The following LNPEP variants were observed in gnomAD, a reference collection of about 807,000 sequenced individuals.
LNPEP encodes the protein leucyl-cystinyl aminopeptidase.
Under a neutral mutation model 120.6 loss-of-function variants are expected in LNPEP, and 64 were observed. That is an observed-to-expected ratio of 0.53 (90% CI 0.43 to 0.65). LNPEP has a LOEUF of 0.65. LNPEP is among the 30% of genes least tolerant of loss of function. The probability of loss-of-function intolerance (pLI) is 0.00; values close to 1 mark genes in which losing one functional copy is unlikely to be tolerated. For missense variants in LNPEP, 1,057 were observed against 1,200.0 expected (o/e 0.88, Z 1.76); for synonymous variants, 435 against 425.4 (o/e 1.02, Z -0.28).
In LNPEP at chr5:97,035,993, A is replaced by G. The variant is rs1326373175; in HGVS notation, c.*7460A>G. The G allele has an allele frequency of 3.9e-5, 6 of 152,192 alleles. No homozygotes were observed. The highest frequency in any genetic ancestry group is 7.3e-5 in the Non-Finnish European group (5 of 68,038). 9.4% of individuals were successfully genotyped at this position (152,192 alleles called of 1,614,324 possible). A position where few individuals can be genotyped will look rare whatever the true frequency, so the allele number is the denominator to read the frequency against. Reference sequence around the variant, plus strand: ...AAGCTGTGTTTAAACTTCATTGCTCATATATCTTTTAGTAACTGGTAAACC... The same window carrying G: ...AAGCTGTGTTTAAACTTCATTGCTCGTATATCTTTTAGTAACTGGTAAACC... On this transcript the variant is annotated 3_prime_UTR_variant, in exon 18 of 18. Coordinates refer to ENST00000231368, the MANE Select transcript of LNPEP (RefSeq NM_005575.3).
intron 1 of LNPEP, among the ~76,000 whole-genome samples, chr5:96,970,706 T>C (rs961699786): frequency 1.3e-5 from 2 of 152,076 alleles, no homozygotes; most frequent in Admixed American, 6.6e-5. Context: ...TTTTCAGTGT[T>C]TCTTCTAGGA....
chr5:96,973,515 T>G, intron 1 of LNPEP, among the ~76,000 whole-genome samples: 1 of 152,122 alleles, frequency 6.6e-6, no homozygotes, highest in East Asian at 1.9e-4. Flanking sequence ...AATATTAGAC[T>G]TTTTTCCTTG....
chr5:96,948,916 C>G (rs1297484883), intron 1 of LNPEP, among the ~76,000 whole-genome samples: 1 of 152,152 alleles, frequency 6.6e-6, no homozygotes, highest in Admixed American at 6.5e-5. Flanking sequence ...AATCCTGGCT[C>G]TTTATTCACT....
Position 97,028,831 on chromosome 5 carries a change from GAATTCT to G in LNPEP, c.*299_*304del, listed in dbSNP as rs1791411044. 4.1e-6 allele frequency: 1 copy of G among 244,686 alleles called. No homozygotes were observed. Among genetic ancestry groups the G allele is most frequent in the Non-Finnish European group, 7.9e-6 (1 of 126,082 alleles). 15.2% of individuals were successfully genotyped at this position (244,686 alleles called of 1,614,324 possible). A position where few individuals can be genotyped will look rare whatever the true frequency, so the allele number is the denominator to read the frequency against. On this transcript the variant is annotated 3_prime_UTR_variant, in exon 18 of 18. Coordinates refer to ENST00000231368, the MANE Select transcript of LNPEP (RefSeq NM_005575.3). ...AGATGGGGACAAAAACCCTGTTTTG[GAATTCT>G]GTTCTATTCCTCAGTATCCAGAAAG...
Position 96,979,261 on chromosome 5 carries a change from C to T in LNPEP, c.143C>T (p.Pro48Leu), listed in dbSNP as rs1245285194. ...GAGCCTGATGAGGTGGAATATGAGC[C>T]CCGGGGTTCCCGACTGCTGGTGCGG... ...PLEPDEVEYE[P>L]RGSRLLVRGL... Residue 48 changes from proline to leucine, a missense_variant, in exon 2 of 18, where the codon CCC becomes CTC. Coordinates refer to ENST00000231368, the MANE Select transcript of LNPEP (RefSeq NM_005575.3). The T allele has an allele frequency of 6.2e-7, 1 of 1,613,804 alleles. No homozygotes were observed. Among genetic ancestry groups the T allele is most frequent in the South Asian group, 1.1e-5 (1 of 91,080 alleles).
chr5:96,973,320 C>T (rs1201359315), intron 1 of LNPEP, among the ~76,000 whole-genome samples: 2 of 151,678 alleles, frequency 1.3e-5, no homozygotes, highest in Non-Finnish European at 2.9e-5. Context: ...GTTTTTCTTT[C>T]TTTTTAAGCT....
chr5:96,962,206 C>G (rs1789622895), intron 1 of LNPEP, among the ~76,000 whole-genome samples: 1 of 152,146 alleles, frequency 6.6e-6, no homozygotes, highest in African/African-American at 2.4e-5. Context: ...TTAGTTGGAA[C>G]TAGGGACTTG....
chr5:96,973,367 A>T (rs1285535185), intron 1 of LNPEP, among the ~76,000 whole-genome samples: 1 of 152,060 alleles, frequency 6.6e-6, no homozygotes, highest in Admixed American at 6.6e-5. Context: ...TTGATAGAAG[A>T]GTATTCTCAT....
intron 1 of LNPEP, among the ~76,000 whole-genome samples, chr5:96,939,216 CTTTT>C (rs34230118): frequency 3.6e-5 from 5 of 139,362 alleles, no homozygotes; most frequent in Admixed American, 7.1e-5. Context: ...TGTATACTTT[CTTTT>C]TTTTTTTTTT....
Position 96,979,219 on chromosome 5 carries a change from C to G in LNPEP, c.101C>G (p.Pro34Arg), listed in dbSNP as rs1383012220. 6.2e-7 allele frequency: 1 copy of G among 1,613,690 alleles called. No homozygotes were observed. Among genetic ancestry groups the G allele is most frequent in the Non-Finnish European group, 8.5e-7 (1 of 1,179,878 alleles). The change falls in exon 2 of 18, where the codon CCT (proline) becomes CGT (arginine). Residue 34 changes from proline to arginine, a missense_variant. Transcript: ENST00000231368. ...EPDVVDLAKE[P>R]CLHPLEPDEV... ...GATGTGGTGGATTTAGCCAAAGAGC[C>G]TTGTTTACATCCTCTAGAGCCTGAT...
At chr5:97,022,535 A>G (rs1328180517) in intron 14 of LNPEP, 51 bp downstream of exon 14, 2 of 1,395,518 alleles carry the variant, frequency 1.4e-6, no homozygotes, top group South Asian at 1.2e-5. Context: ...TTTATTTCAC[A>G]TCATATACAG....
Position 96,994,641 on chromosome 5 carries a change from G to C in LNPEP, c.1407+670G>C, listed in dbSNP as rs137989994. Among the ~76,000 whole-genome samples, 9 of 152,260 alleles carry C rather than the reference G, an allele frequency of 5.9e-5. No individual in the cohort carries two copies. In the East Asian group the frequency reaches 1.7e-3, roughly 29 times the overall value. On this transcript the variant is annotated intron_variant, in intron 6 of 17. Coordinates refer to ENST00000231368, the MANE Select transcript of LNPEP (RefSeq NM_005575.3). The stretch of plus-strand genomic sequence containing the variant: ...AACACCTTGTCTCTATTTTGCCCTA[G>C]ATGAGGTGCTTAACTAGCATTGGGT...
At chr5:97,027,577 A>G (rs1362319627) in intron 16 of LNPEP, among the ~76,000 whole-genome samples, 156 bp from the exon 17 acceptor site, 2 of 152,080 alleles carry the variant, frequency 1.3e-5, no homozygotes, top group African/African-American at 4.8e-5. Context: ...CCCACCGACA[A>G]TAAGTATGCA....
At chr5:96,970,535 C>T (rs1214414343) in intron 1 of LNPEP, among the ~76,000 whole-genome samples, 1 of 151,992 alleles carries the variant, frequency 6.6e-6, no homozygotes, top group Non-Finnish European at 1.5e-5. Flanking sequence ...ATGCATAGGT[C>T]AGGTTTAAGT....
Position 96,980,563 on chromosome 5 carries a change from T to G in LNPEP, c.860+585T>G, listed in dbSNP as rs180694477. The stretch of plus-strand genomic sequence containing the variant: ...AAAAAGGTGAGACAAAATATAAAAT[T>G]ATTCAGCTCCCTATTTGGACTATAT... On this transcript the variant is annotated intron_variant, in intron 2 of 17. Coordinates refer to ENST00000231368, the MANE Select transcript of LNPEP (RefSeq NM_005575.3). 2.1e-3 allele frequency among the ~76,000 whole-genome samples: 316 copies of G among 152,310 alleles called. 5 individuals are homozygous for G. Among genetic ancestry groups the G allele is most frequent in the African/African-American group, 7.2e-3 (299 of 41,572 alleles).
At chr5:97,011,905 A>T (rs1790937518) in intron 11 of LNPEP, among the ~76,000 whole-genome samples, 1 of 152,326 alleles carries the variant, frequency 6.6e-6, no homozygotes, top group African/African-American at 2.4e-5. Flanking sequence ...AATAACAAAG[A>T]TATTAAGGGC....
intron 2 of LNPEP, 135 bp from the exon 3 acceptor site, chr5:96,984,945 A>G (rs2112614590): frequency 1.1e-6 from 1 of 892,522 alleles, no homozygotes; most frequent in Non-Finnish European, 1.7e-6. Flanking sequence ...TCATTGTATA[A>G]ACCTCTGCCT....
At chr5:96,977,434 C>T (rs1357040551) in intron 1 of LNPEP, among the ~76,000 whole-genome samples, 1 of 151,880 alleles carries the variant, frequency 6.6e-6, no homozygotes, top group Non-Finnish European at 1.5e-5. Flanking sequence ...TTTGGGATGG[C>T]CAGAGCATAC....
At chr5:96,994,766 T>G (rs1790469257) in intron 6 of LNPEP, among the ~76,000 whole-genome samples, 1 of 152,218 alleles carries the variant, frequency 6.6e-6, no homozygotes, top group Admixed American at 6.5e-5. Context: ...CTAGCCTTTG[T>G]GAAGACTTCA....
Sources: gnomAD v4.1 joint callset for allele counts (sites outside exome capture counted in the v4.1 genomes callset) on GRCh38, gnomAD v4.1.1 for gene constraint, MANE v1.5 for transcripts, NCBI Gene and HGNC (gene_info 2026-07-23, HGNC 2026-07-21) for gene names.